TSHZ2: variants seen among roughly 807,000 people sequenced by gnomAD.
TSHZ2 encodes the protein teashirt zinc finger homeobox 2.
In TSHZ2, 21 loss-of-function variants were observed where a neutral mutation model predicts 74.4. The ratio of observed to expected loss-of-function variants is 0.28; its 90% confidence interval spans 0.20 to 0.41. TSHZ2 has a LOEUF of 0.41. Among genes scored for constraint, TSHZ2 ranks in the 10% least tolerant of loss-of-function variants. The pLI, the probability that TSHZ2 is intolerant of heterozygous loss-of-function variation, is 1.00. For missense variants in TSHZ2, 1,244 were observed against 1,293.5 expected (o/e 0.96, Z 0.59); for synonymous variants, 540 against 515.3 (o/e 1.05, Z -0.65).
chr20:53,317,684 T>C (rs1199479624), intron 2 of TSHZ2, among the ~76,000 whole-genome samples: 1 of 152,050 alleles, frequency 6.6e-6, no homozygotes, highest in African/African-American at 2.4e-5. Flanking sequence ...ACAAGAAGAG[T>C]GTCGGCGTGA....
chr20:53,167,831 T>A (rs16997661), intron 1 of TSHZ2, among the ~76,000 whole-genome samples: 1,881 of 152,256 alleles, frequency 0.012, 34 homozygotes, highest in African/African-American at 0.043. Context: ...TGTGAAGTTA[T>A]GACAAATGTG....
intron 2 of TSHZ2, among the ~76,000 whole-genome samples, chr20:53,279,173 T>G (rs1305613243): frequency 6.6e-6 from 1 of 152,078 alleles, no homozygotes; most frequent in Non-Finnish European, 1.5e-5. Flanking sequence ...AGTAGAGGGG[T>G]TGGTTTGCTT....
intron 2 of TSHZ2, among the ~76,000 whole-genome samples, chr20:53,462,517 C>T (rs989516882): frequency 6.6e-5 from 10 of 152,130 alleles, no homozygotes; most frequent in African/African-American, 2.4e-4. Context: ...GCCACCCTGC[C>T]CCAGCCCTGG....
At chr20:53,440,478 A>G (rs1396864983) in intron 2 of TSHZ2, among the ~76,000 whole-genome samples, 3 of 152,172 alleles carry the variant, frequency 2.0e-5, no homozygotes, top group Non-Finnish European at 4.4e-5. Flanking sequence ...CTTTGTTCGT[A>G]TCTATGATAA....
At chr20:53,292,988 C>T (rs557399746) in intron 2 of TSHZ2, among the ~76,000 whole-genome samples, 2 of 152,304 alleles carry the variant, frequency 1.3e-5, no homozygotes, top group African/African-American at 4.8e-5. Flanking sequence ...CATCATTGGT[C>T]CATTCACAGT....
intron 1 of TSHZ2, among the ~76,000 whole-genome samples, chr20:53,103,910 G>C (rs941830493): frequency 2.0e-5 from 3 of 152,176 alleles, no homozygotes; most frequent in African/African-American, 7.2e-5. Context: ...TAGAAGTGGA[G>C]AAATAGATTT....
At chr20:53,139,254 T>C (rs1987328366) in intron 1 of TSHZ2, among the ~76,000 whole-genome samples, 2 of 152,246 alleles carry the variant, frequency 1.3e-5, no homozygotes, top group African/African-American at 4.8e-5. Flanking sequence ...GGCTATTTTG[T>C]TCATTGCAGT....
chr20:53,074,353 G>A lies in TSHZ2; in HGVS notation c.40+101020G>A, dbSNP rs1985301755. On this transcript the variant is annotated intron_variant, in intron 1 of 2. Transcript: ENST00000371497. This position sits in a 1 kb window ranked among gnomAD's most constrained non-coding sequence, Gnocchi z 5.9. ...TCTACTGGATTTTGAGTTTCCAGAG[G>A]GCTAGGACCAGGATTCATGGGTCTT... Among the ~76,000 whole-genome samples, 1 of 152,188 alleles carries A rather than the reference G, an allele frequency of 6.6e-6. No individual in the cohort carries two copies. The highest frequency in any genetic ancestry group is 1.5e-5 in the Non-Finnish European group (1 of 68,030).
intron 1 of TSHZ2, among the ~76,000 whole-genome samples, chr20:53,095,950 A>G (rs1986029325): frequency 6.6e-6 from 1 of 152,114 alleles, no homozygotes; most frequent in Non-Finnish European, 1.5e-5. Context: ...ACAACATTTC[A>G]GCATTGGGTT....
chr20:53,273,806 C>T (rs926358971), intron 2 of TSHZ2, among the ~76,000 whole-genome samples: 3 of 152,162 alleles, frequency 2.0e-5, no homozygotes, highest in African/African-American at 7.2e-5. Flanking sequence ...GGAGAAGGGA[C>T]TTCAAACAAA....
chr20:53,344,026 G>A (rs1338672979), intron 2 of TSHZ2, among the ~76,000 whole-genome samples: 2 of 152,190 alleles, frequency 1.3e-5, no homozygotes, highest in African/African-American at 4.8e-5. Context: ...AGTCCCCTGT[G>A]TGTTTTCTTG....
At chr20:53,124,803 T>G (rs1986902542) in intron 1 of TSHZ2, among the ~76,000 whole-genome samples, 1 of 152,196 alleles carries the variant, frequency 6.6e-6, no homozygotes, top group African/African-American at 2.4e-5. Context: ...GGCCACACTG[T>G]CAGCCAGAAA....
intron 2 of TSHZ2, among the ~76,000 whole-genome samples, chr20:53,395,269 T>C (rs1982406524): frequency 1.3e-5 from 2 of 152,144 alleles, no homozygotes; most frequent in South Asian, 2.1e-4. Context: ...TCTTGAAGAA[T>C]TAATGGAACC....
intron 1 of TSHZ2, among the ~76,000 whole-genome samples, chr20:53,117,868 A>T (rs927918830): frequency 1.3e-5 from 2 of 152,190 alleles, no homozygotes; most frequent in African/African-American, 4.8e-5. Flanking sequence ...GCTTAATCCA[A>T]TGTCTTCCCT....
At chr20:53,133,959 CA>C (rs1333795521) in intron 1 of TSHZ2, among the ~76,000 whole-genome samples, 4 of 97,144 alleles carry the variant, frequency 4.1e-5, no homozygotes, top group Admixed American at 3.4e-4. Context: ...GATTTTTTAC[CA>C]TTTTTTCTGA....
chr20:53,026,557 G>A (rs1454232623), intron 1 of TSHZ2, among the ~76,000 whole-genome samples: 2 of 151,946 alleles, frequency 1.3e-5, no homozygotes, highest in African/African-American at 4.8e-5. Flanking sequence ...TCTAAGACAA[G>A]CCAACAAAAC....
chr20:53,152,643 G>A (rs1356616434), intron 1 of TSHZ2, among the ~76,000 whole-genome samples: 17 of 152,178 alleles, frequency 1.1e-4, no homozygotes, highest in Admixed American at 2.0e-4. Context: ...AACCAAGACA[G>A]GTCAGGTATC....
rs6097340 is a variant in TSHZ2, at chr20:53,294,948, G to A, written c.*8+38377G>A. On this transcript the variant is annotated intron_variant, in intron 2 of 2. Transcript: ENST00000371497. The stretch of plus-strand genomic sequence containing the variant: ...ACACGAGTCATTTCTGCTGCTGGAG[G>A]CTCCAGTGGAGTGTTCCCTTGGATT... 9.2e-3 allele frequency among the ~76,000 whole-genome samples: 1,408 copies of A among 152,278 alleles called. 29 individuals are homozygous for A. The highest frequency in any genetic ancestry group is 0.032 in the African/African-American group (1,321 of 41,554).
At chr20:53,452,090 G>C (rs921970651) in intron 2 of TSHZ2, among the ~76,000 whole-genome samples, 1 of 152,236 alleles carries the variant, frequency 6.6e-6, no homozygotes, top group South Asian at 2.1e-4. Context: ...AGGGAAGTCA[G>C]TAACCCCAGA....
Sources: allele counts gnomAD v4.1 joint callset (sites outside exome capture counted in the v4.1 genomes callset), GRCh38; gene constraint gnomAD v4.1.1; non-coding constraint Gnocchi (gnomAD v3.1); transcripts MANE v1.5; gene names NCBI Gene and HGNC (gene_info 2026-07-23, HGNC 2026-07-21).